Variants in LYRM1 observed in about 807,000 individuals in gnomAD.
LYRM1 encodes LYR motif-containing protein 1.
LYRM1 carries 14 observed loss-of-function variants against 14.9 expected under a neutral mutation model. That is an observed-to-expected ratio of 0.94 (90% CI 0.62 to 1.47). LYRM1 has a LOEUF of 1.47. LYRM1 is among the 40% of genes most tolerant of loss of function. The probability of loss-of-function intolerance (pLI) is 0.00; values close to 1 mark genes in which losing one functional copy is unlikely to be tolerated. For synonymous variants in LYRM1, 43 were observed against 56.2 expected, an observed-to-expected ratio of 0.77 and a Z score of 1.05; for missense variants, 153 against 149.9, an observed-to-expected ratio of 1.02 and a Z score of -0.11.
At chr16:20,919,339 G>C (rs764152001) in intron 2 of LYRM1, among the ~76,000 whole-genome samples, 1 of 152,116 alleles carries the variant, frequency 6.6e-6, no homozygotes, top group Non-Finnish European at 1.5e-5. Context: ...CATGAGGGGG[G>C]TGTGAAGAAG....
chr16:20,909,667 C>T (rs937411301), intron 1 of LYRM1, among the ~76,000 whole-genome samples: 5 of 152,026 alleles, frequency 3.3e-5, no homozygotes, highest in African/African-American at 4.8e-5. Flanking sequence ...AATCCATATT[C>T]GGGAAAAGCT....
chr16:20,910,455 T>A (rs2152537658), intron 1 of LYRM1, among the ~76,000 whole-genome samples: 1 of 152,328 alleles, frequency 6.6e-6, no homozygotes, highest in East Asian at 1.9e-4. Context: ...GTTTTGAAAA[T>A]AGTCCTATTA....
intron 2 of LYRM1, 138 bp downstream of exon 2, chr16:20,915,852 C>A: frequency 1.2e-6 from 1 of 860,048 alleles, no homozygotes; most frequent in Non-Finnish European, 1.7e-6. Flanking sequence ...GGGGCCAGTG[C>A]ACAGCTTGGC....
intron 1 of LYRM1, among the ~76,000 whole-genome samples, chr16:20,909,590 A>G (rs1224920145): frequency 6.6e-6 from 1 of 152,222 alleles, no homozygotes; most frequent in Non-Finnish European, 1.5e-5. Context: ...GGGCTTCCTT[A>G]GTCTTGCATT....
At chr16:20,902,401 G>A (rs1025186857) in intron 1 of LYRM1, 2 of 152,156 alleles carry the variant, frequency 1.3e-5, no homozygotes, top group Non-Finnish European at 2.9e-5. Flanking sequence ...AATAAGGAAG[G>A]CAGGGAGGAG....
chr16:20,916,370 A>G (rs970575517), intron 2 of LYRM1, among the ~76,000 whole-genome samples: 5 of 152,164 alleles, frequency 3.3e-5, no homozygotes, highest in African/African-American at 1.2e-4. Context: ...GGCACTAAGC[A>G]TGGAAAAAGG....
At chr16:20,911,928 CTTGT>C (rs2082613698) in intron 1 of LYRM1, among the ~76,000 whole-genome samples, 1 of 151,478 alleles carries the variant, frequency 6.6e-6, no homozygotes, top group African/African-American at 2.4e-5. Flanking sequence ...TTGGGGTTTG[CTTGT>C]TTGTTTTTGA....
rs747421932 is a variant in LYRM1 at position 20,915,754 on chromosome 16, G to A, written c.159+40G>A. 4 of 1,594,796 alleles carry A rather than the reference G, an allele frequency of 2.5e-6. No individual in the cohort carries two copies. The African/African-American group carries it at 4.0e-5, about 16-fold the overall frequency. ...CTTGGAGATTGTGCAGAGGAGAGTT[G>A]TTCCTTATGATATTTGTTTATTTCT... is the stretch of plus-strand genomic sequence containing the variant. On this transcript the variant is annotated intron_variant, in intron 2 of 3. Coordinates refer to ENST00000567954, the MANE Select transcript of LYRM1 (RefSeq NM_001128302.3).
At position 20,915,723 on chromosome 16, in the gene LYRM1, GCC is replaced by G. The variant is rs1567458414; in HGVS notation, c.159+12_159+13del. ...TCCGGAAAAACAAAAATGTAAGTAG[GCC>G]CCACTTGGAGATTGTGCAGAGGAGA... On this transcript the variant is annotated intron_variant, in intron 2 of 3. Coordinates refer to ENST00000567954, the MANE Select transcript of LYRM1 (RefSeq NM_001128302.3). 1 of 1,613,128 alleles carries G rather than the reference GCC, an allele frequency of 6.2e-7. No homozygotes were observed. The highest frequency in any genetic ancestry group is 1.1e-5 in the South Asian group (1 of 91,060).
chr16:20,909,761 A>C (rs1440192863), intron 1 of LYRM1, among the ~76,000 whole-genome samples: 1 of 152,242 alleles, frequency 6.6e-6, no homozygotes, highest in Non-Finnish European at 1.5e-5. Context: ...TAAAAAATAT[A>C]TGGCTGATTC....
chr16:20,913,196 G>T (rs2082690610), intron 1 of LYRM1, among the ~76,000 whole-genome samples: 1 of 151,624 alleles, frequency 6.6e-6, no homozygotes, highest in Admixed American at 6.6e-5. Context: ...TTCCTTCTAG[G>T]AGAGGAAGGG....
chr16:20,924,422 T>G lies in LYRM1; in HGVS notation c.*306T>G. The stretch of plus-strand genomic sequence containing the variant: ...GTAAGAGCTGTTCATGGGAATTCCA[T>G]TCACCACACATGCCAGCTGATGCAA... On this transcript the variant is annotated 3_prime_UTR_variant, in exon 4 of 4. Transcript: ENST00000567954. 5.0e-6 allele frequency: 1 copy of G among 199,024 alleles called. No individual in the cohort carries two copies. Among genetic ancestry groups the G allele is most frequent in the Non-Finnish European group, 1.0e-5 (1 of 97,610 alleles). The allele number at this position is 199,024 out of a possible 1,614,324, so 12.3% of individuals were successfully genotyped here.
At chr16:20,911,081 C>T (rs1426353187) in intron 1 of LYRM1, 1 of 152,170 alleles carries the variant, frequency 6.6e-6, no homozygotes, top group Non-Finnish European at 1.5e-5. Context: ...GATGTTCTCT[C>T]TTGGTTTTTA....
rs2083054538 is a variant in LYRM1 at position 20,919,079 on chromosome 16, A to T, written c.160-1043A>T. On this transcript the variant is annotated intron_variant, in intron 2 of 3. Transcript: ENST00000567954. ...GAGCCACGTCTTGATTCATTTTCCT[A>T]CCTCATAATGAAAGAGTTTCTCCCT... 2.0e-5 allele frequency among the ~76,000 whole-genome samples: 3 copies of T among 152,072 alleles called. No individual in the cohort carries two copies. In the South Asian group the frequency reaches 6.2e-4, roughly 32 times the overall value.
chr16:20,906,153 G>A (rs2082308996), intron 1 of LYRM1, among the ~76,000 whole-genome samples: 1 of 152,180 alleles, frequency 6.6e-6, no homozygotes, highest in Non-Finnish European at 1.5e-5. Flanking sequence ...TTATGATAGA[G>A]TAGGATGAAC....
rs1033424676 is a variant in LYRM1 at position 20,915,145 on chromosome 16, A to G, written c.1-411A>G. Among the ~76,000 whole-genome samples, 8 of 152,184 alleles carry G rather than the reference A, an allele frequency of 5.3e-5. No individual in the cohort carries two copies. In the East Asian group the frequency reaches 1.3e-3, roughly 26 times the overall value. On this transcript the variant is annotated intron_variant, in intron 1 of 3. Transcript: ENST00000567954. ...CCAACAGATTTGTTGAGAAAGAGCA[A>G]TTATTTCTAGACTAATTAAAGGTCT...
At chr16:20,900,168 G>C, upstream of LYRM1, 1 of 73,570 alleles carries the variant, frequency 1.4e-5, no homozygotes, top group Admixed American at 1.9e-4. Flanking sequence ...ATGCCCCCCC[G>C]CCTTTTCCTC....
intron 2 of LYRM1, among the ~76,000 whole-genome samples, chr16:20,916,638 T>C (rs1345451484): frequency 6.6e-6 from 1 of 152,160 alleles, no homozygotes; most frequent in African/African-American, 2.4e-5. Context: ...ATCCCCAGCT[T>C]TGGCCTCTGC....
chr16:20,904,685 C>T (rs1341917832), intron 1 of LYRM1, among the ~76,000 whole-genome samples: 1 of 51,772 alleles, frequency 1.9e-5, no homozygotes, highest in Non-Finnish European at 4.8e-5. Context: ...GGAAATAAGT[C>T]TGTGGTTGTG....
Sources: allele counts gnomAD v4.1 joint callset (sites outside exome capture counted in the v4.1 genomes callset), GRCh38; gene constraint gnomAD v4.1.1; transcripts MANE v1.5; gene names NCBI Gene and HGNC (gene_info 2026-07-23, HGNC 2026-07-21).